XYLT1: variants seen among roughly 807,000 people sequenced by gnomAD.
XYLT1 encodes the protein beta-D-xylosyltransferase 1.
Under a neutral mutation model 91.3 loss-of-function variants are expected in XYLT1, and 36 were observed. The observed-to-expected ratio is 0.39, with a 90% CI of 0.30 to 0.52. The LOEUF is 0.52. Ranked by LOEUF, XYLT1 falls within the 20% of genes least tolerant of loss-of-function variation. XYLT1 has a pLI of 0.68. For synonymous variants in XYLT1, 588 were observed against 532.0 expected, an observed-to-expected ratio of 1.11 and a Z score of -1.45; for missense variants, 1,242 against 1,284.5, an observed-to-expected ratio of 0.97 and a Z score of 0.51.
intron 3 of XYLT1, among the ~76,000 whole-genome samples, chr16:17,228,939 C>A (rs1351348619): frequency 6.6e-6 from 1 of 152,058 alleles, no homozygotes; most frequent in African/African-American, 2.4e-5. Flanking sequence ...AGAGTTACAG[C>A]TGGGATTCAA....
At chr16:17,445,053 G>C (rs2036575806) in intron 1 of XYLT1, among the ~76,000 whole-genome samples, 1 of 152,210 alleles carries the variant, frequency 6.6e-6, no homozygotes, top group Non-Finnish European at 1.5e-5. Flanking sequence ...AGACTGAAGT[G>C]CAGTAGCACG....
intron 1 of XYLT1, among the ~76,000 whole-genome samples, chr16:17,390,913 C>T (rs1282087367): frequency 2.0e-5 from 3 of 152,162 alleles, no homozygotes; most frequent in Non-Finnish European, 4.4e-5. Context: ...TGGTGCGTGA[C>T]TGTAATCCCA....
intron 1 of XYLT1, among the ~76,000 whole-genome samples, chr16:17,436,549 C>T (rs1266698444): frequency 6.6e-6 from 1 of 152,204 alleles, no homozygotes; most frequent in Non-Finnish European, 1.5e-5. Flanking sequence ...TTTAAAGCTA[C>T]TGCAATCACA....
intron 1 of XYLT1, among the ~76,000 whole-genome samples, chr16:17,462,099 G>A (rs73529536): frequency 0.03 from 4,568 of 152,172 alleles, 187 homozygotes; most frequent in South Asian, 0.097. Context: ...CAAAAATTAT[G>A]GCAAAGCGTG....
intron 2 of XYLT1, among the ~76,000 whole-genome samples, chr16:17,264,774 G>A (rs1271586887): frequency 6.6e-6 from 1 of 152,134 alleles, no homozygotes; most frequent in African/African-American, 2.4e-5. Flanking sequence ...ATAGAGAGAG[G>A]TTAAATAACT....
intron 2 of XYLT1, among the ~76,000 whole-genome samples, chr16:17,259,798 G>C (rs1287222420): frequency 6.6e-6 from 1 of 152,130 alleles, no homozygotes; most frequent in Non-Finnish European, 1.5e-5. Context: ...TTCCTTGACT[G>C]TCTTTGCCAC....
At chr16:17,280,764 C>A (rs551204969) in intron 2 of XYLT1, among the ~76,000 whole-genome samples, 2 of 152,284 alleles carry the variant, frequency 1.3e-5, no homozygotes, top group East Asian at 3.9e-4. Flanking sequence ...CAAAAGGGCA[C>A]CGTGCTGTAA....
At chr16:17,132,846 A>G (rs1270634419) in intron 9 of XYLT1, among the ~76,000 whole-genome samples, 2 of 152,142 alleles carry the variant, frequency 1.3e-5, no homozygotes, top group African/African-American at 4.8e-5. Flanking sequence ...GAGGTTGCAG[A>G]GATCACATCA....
intron 1 of XYLT1, among the ~76,000 whole-genome samples, chr16:17,383,603 C>T (rs1298363723): frequency 1.3e-5 from 2 of 151,978 alleles, no homozygotes; most frequent in East Asian, 4.0e-4. Flanking sequence ...GGAACATTTA[C>T]ATTTTAAGAG....
chr16:17,133,934 T>A (rs1228620047), intron 9 of XYLT1, among the ~76,000 whole-genome samples: 2 of 152,182 alleles, frequency 1.3e-5, no homozygotes, highest in Non-Finnish European at 2.9e-5. Flanking sequence ...AAAGAGTTAT[T>A]TTTCAGAGAT....
intron 3 of XYLT1, among the ~76,000 whole-genome samples, chr16:17,223,003 G>T (rs2032998368): frequency 6.7e-6 from 1 of 149,244 alleles, no homozygotes; most frequent in Non-Finnish European, 1.5e-5. Context: ...CCCCTCAAAT[G>T]CTTCAGGGTC....
chr16:17,241,642 G>A (rs2033347094), intron 3 of XYLT1, among the ~76,000 whole-genome samples: 1 of 152,244 alleles, frequency 6.6e-6, no homozygotes, highest in Non-Finnish European at 1.5e-5. Flanking sequence ...ACAAGAGGCA[G>A]CATTGACGTT....
chr16:17,148,310 T>C (rs1448101860), intron 6 of XYLT1, among the ~76,000 whole-genome samples: 1 of 152,214 alleles, frequency 6.6e-6, no homozygotes, highest in Admixed American at 6.5e-5. Context: ...GCATCCTCAA[T>C]CCTCCTTTCA....
rs558282074 is a variant in XYLT1 at position 17,236,529 on chromosome 16, T to C, written c.913+22459A>G. Among the ~76,000 whole-genome samples, 55 of 152,070 alleles carry C rather than the reference T, an allele frequency of 3.6e-4. 1 individual carries two copies. In the South Asian group the frequency reaches 9.8e-3, roughly 27 times the overall value. ...TGGGACATCGGACTGGTGATGCCCA[T>C]TGTAGTTTCCCGGGGCTGCCCTAAC... On this transcript the variant is annotated intron_variant, in intron 3 of 11. Coordinates refer to ENST00000261381, the MANE Select transcript of XYLT1 (RefSeq NM_022166.4).
At chr16:17,332,749 T>C (rs1039319494) in intron 2 of XYLT1, among the ~76,000 whole-genome samples, 3 of 152,176 alleles carry the variant, frequency 2.0e-5, no homozygotes, top group Non-Finnish European at 2.9e-5. Context: ...CCAAGGACTC[T>C]GGCCTTCAGA....
intron 1 of XYLT1, among the ~76,000 whole-genome samples, chr16:17,364,827 C>T (rs1230364410): frequency 8.5e-5 from 13 of 152,140 alleles, no homozygotes; most frequent in Non-Finnish European, 1.6e-4. Context: ...GTCCTTTAAC[C>T]GATATCCTGG....
intron 1 of XYLT1, among the ~76,000 whole-genome samples, chr16:17,450,362 C>CAAAAAAAA (rs1195577105): frequency 6.9e-6 from 1 of 145,428 alleles, no homozygotes. Context: ...AACAAACAAA[C>CAAAAAAAA]AAAAAAAAAA....
intron 1 of XYLT1, among the ~76,000 whole-genome samples, chr16:17,417,470 C>A (rs74985390): frequency 6.6e-6 from 1 of 152,030 alleles, no homozygotes; most frequent in African/African-American, 2.4e-5. Context: ...CTGGTTAACG[C>A]GACTTAACCT....
At chr16:17,159,007 G>A (rs1471331347) in intron 5 of XYLT1, 98 bp from the exon 6 acceptor site, 2 of 1,046,746 alleles carry the variant, frequency 1.9e-6, no homozygotes, top group African/African-American at 3.1e-5. Context: ...TCTGCTTGAA[G>A]CACCTTCTCT....
Sources: allele counts gnomAD v4.1 joint callset (sites outside exome capture counted in the v4.1 genomes callset), GRCh38; gene constraint gnomAD v4.1.1; transcripts MANE v1.5; gene names NCBI Gene and HGNC (gene_info 2026-07-23, HGNC 2026-07-21).